RYR2: variants seen among roughly 807,000 people sequenced by gnomAD.
RYR2 encodes cardiac muscle ryanodine receptor-calcium release channel.
A neutral mutation model predicts 601.1 loss-of-function variants in RYR2; 227 were observed. The ratio of observed to expected loss-of-function variants is 0.38; its 90% CI spans 0.34 to 0.42. The LOEUF (loss-of-function observed/expected upper bound fraction) is 0.42. RYR2 is among the 10% of genes least tolerant of loss of function. The pLI is 1.00. For synonymous variants in RYR2, 2,223 were observed against 2,175.1 expected (o/e 1.02, Z -0.61); for missense variants, 4,646 against 6,156.5 (o/e 0.75, Z 8.21).
At chr1:237,195,215 T>C (rs1680418308) in intron 1 of RYR2, among the ~76,000 whole-genome samples, 1 of 152,204 alleles carries the variant, frequency 6.6e-6, no homozygotes, top group South Asian at 2.1e-4. Context: ...TAAACTTCAA[T>C]TCTGAAAGTA....
At chr1:237,352,587 G>T (rs1422711543) in intron 3 of RYR2, among the ~76,000 whole-genome samples, 1 of 152,124 alleles carries the variant, frequency 6.6e-6, no homozygotes, top group African/African-American at 2.4e-5. Context: ...TAGTGTGCAT[G>T]AAAGTTGGAA....
At position 237,808,904 on chromosome 1, in the gene RYR2, G is replaced by A. The variant is rs775534249; in HGVS notation, c.14302G>A (p.Val4768Ile). 34 of 1,613,388 alleles carry A rather than the reference G, an allele frequency of 2.1e-5. No homozygotes were observed. The highest frequency in any genetic ancestry group is 2.7e-5 in the African/African-American group (2 of 75,000). ...SSVTHNGKQL[V>I]LTVGLLAVVV... ...TCCTTGTCACATTGTTTTCCAGCTC[G>A]TATTAACCGTTGGCTTATTAGCTGT... Residue 4768 changes from valine (V) to isoleucine (I), a missense_variant, in exon 100 of 105, where the codon GTA becomes ATA. Around this residue, in one of 17 missense-constraint regions of RYR2, gnomAD observed 8 missense variants for 45.1 expected, o/e 0.18. Coordinates refer to ENST00000366574, the MANE Select transcript of RYR2 (RefSeq NM_001035.3).
chr1:237,436,454 C>CTTTTTTTTTTTTTTTTTTTTTTTTTTTTT lies in RYR2; in HGVS notation c.1006-4841_1006-4840insTTTTTTTTTTTTTTTTTTTTTTTTTTTTT, dbSNP rs551140501. ...AGCCGAGGGATAATGTGTGATTTTC[C>CTTTTTTTTTTTTTTTTTTTTTTTTTTTTT]TTTTTTTTTTTTTTTTTTTTTTTTG... is the stretch of plus-strand genomic sequence containing the variant. On this transcript the variant is annotated intron_variant, in intron 12 of 104. Coordinates refer to ENST00000366574, the MANE Select transcript of RYR2 (RefSeq NM_001035.3). Among the ~76,000 whole-genome samples, 98 of 48,722 alleles carry CTTTTTTTTTTTTTTTTTTTTTTTTTTTTT rather than the reference C, an allele frequency of 2.0e-3. 16 individuals carry two copies. The highest frequency in any genetic ancestry group is 2.5e-3 in the African/African-American group (25 of 10,160). 32.0% of individuals were successfully genotyped at this position (48,722 alleles called of 152,430 possible). A position where few individuals can be genotyped will look rare whatever the true frequency, so the allele number is the denominator to read the frequency against.
chr1:237,787,794 C>T (rs1487204274), intron 91 of RYR2, among the ~76,000 whole-genome samples, 194 bp from the exon 92 acceptor site: 2 of 151,996 alleles, frequency 1.3e-5, no homozygotes, highest in African/African-American at 4.8e-5. Context: ...TACCCATCTC[C>T]AGGGGACTGT....
At chr1:237,337,586 T>A (rs969295704) in intron 3 of RYR2, among the ~76,000 whole-genome samples, 4 of 152,142 alleles carry the variant, frequency 2.6e-5, no homozygotes, top group African/African-American at 9.7e-5. Context: ...GGGAAAATAA[T>A]AGCATCTCCC....
intron 23 of RYR2, among the ~76,000 whole-genome samples, chr1:237,509,119 G>T (rs1193110766): frequency 6.6e-6 from 1 of 152,174 alleles, no homozygotes; most frequent in Non-Finnish European, 1.5e-5. Flanking sequence ...ATCCTTTGCT[G>T]GGTCTGAGGC....
intron 16 of RYR2, among the ~76,000 whole-genome samples, chr1:237,466,359 G>A (rs1400998783): frequency 6.6e-6 from 1 of 151,988 alleles, no homozygotes; most frequent in East Asian, 1.9e-4. Flanking sequence ...GCACAGACTG[G>A]GTCATGCTAT....
intron 1 of RYR2, among the ~76,000 whole-genome samples, chr1:237,228,175 C>T (rs1435604484): frequency 6.6e-6 from 1 of 152,118 alleles, no homozygotes; most frequent in Admixed American, 6.5e-5. Flanking sequence ...CATTCTTATC[C>T]CTTTGCATCC....
At chr1:237,098,331 T>C (rs1190864144) in intron 1 of RYR2, among the ~76,000 whole-genome samples, 1 of 152,158 alleles carries the variant, frequency 6.6e-6, no homozygotes, top group Non-Finnish European at 1.5e-5. Context: ...GTGAAATCTT[T>C]ACTATAATCA....
At chr1:237,301,499 TAA>T (rs1246269581) in intron 2 of RYR2, among the ~76,000 whole-genome samples, 1 of 152,178 alleles carries the variant, frequency 6.6e-6, no homozygotes, top group Admixed American at 6.5e-5. Flanking sequence ...CTGTAGTTGA[TAA>T]GAGTTCAAAC....
chr1:237,675,890 C>T lies in RYR2; in HGVS notation c.8830+1044C>T, dbSNP rs1685350790. Among the ~76,000 whole-genome samples the T allele has an allele frequency of 2.0e-5, 3 of 152,122 alleles. No homozygotes were observed. In the South Asian group the frequency reaches 6.2e-4, roughly 31 times the overall value. Reference sequence around the variant, plus strand: ...CTACAGTTCAAATACTATATTATTGCTCTCTTTGAGCCCTTCTTTTTCTTA... The same window carrying T: ...CTACAGTTCAAATACTATATTATTGTTCTCTTTGAGCCCTTCTTTTTCTTA... On this transcript the variant is annotated intron_variant, in intron 60 of 104. Coordinates refer to ENST00000366574, the MANE Select transcript of RYR2 (RefSeq NM_001035.3).
At chr1:237,510,812 A>G (rs1015960847) in intron 23 of RYR2, among the ~76,000 whole-genome samples, 6 of 152,258 alleles carry the variant, frequency 3.9e-5, no homozygotes, top group Admixed American at 3.3e-4. Context: ...AGGAGAGAGA[A>G]CATCTTTCTC....
chr1:237,455,951 A>G (rs1658758943), intron 15 of RYR2, among the ~76,000 whole-genome samples: 1 of 152,118 alleles, frequency 6.6e-6, no homozygotes, highest in Admixed American at 6.6e-5. Context: ...CCAACTTCTC[A>G]TATAAGACAA....
chr1:237,656,184 C>T (rs904992176), intron 53 of RYR2, among the ~76,000 whole-genome samples, 200 bp downstream of exon 53: 1 of 151,852 alleles, frequency 6.6e-6, no homozygotes, highest in Non-Finnish European at 1.5e-5. Flanking sequence ...TAAGATGTAC[C>T]TTCTAGGATA....
intron 24 of RYR2, among the ~76,000 whole-genome samples, chr1:237,522,973 C>A (rs1667232576): frequency 7.5e-6 from 1 of 133,956 alleles, no homozygotes; most frequent in Non-Finnish European, 1.6e-5. Context: ...CTGTTTCTCT[C>A]ACCACCCTTC....
At chr1:237,453,974 A>G (rs921271190) in intron 14 of RYR2, among the ~76,000 whole-genome samples, 1 of 152,204 alleles carries the variant, frequency 6.6e-6, no homozygotes, top group Non-Finnish European at 1.5e-5. Flanking sequence ...CAGAATGGCA[A>G]GCTAGGGTCC....
intron 1 of RYR2, among the ~76,000 whole-genome samples, chr1:237,176,198 C>A (rs904831363): frequency 3.3e-5 from 5 of 149,610 alleles, no homozygotes; most frequent in African/African-American, 1.2e-4. Flanking sequence ...GATCACTTCA[C>A]TGCACTTCAG....
At chr1:237,221,044 C>A (rs893956255) in intron 1 of RYR2, among the ~76,000 whole-genome samples, 1 of 151,852 alleles carries the variant, frequency 6.6e-6, no homozygotes, top group Non-Finnish European at 1.5e-5. Context: ...TGCAGTGAGC[C>A]GAGATCGCGC....
At chr1:237,786,642 G>A (rs1027329348) in intron 91 of RYR2, among the ~76,000 whole-genome samples, 5 of 152,198 alleles carry the variant, frequency 3.3e-5, no homozygotes, top group Admixed American at 6.5e-5. Context: ...GTGAGGCGAT[G>A]AAAATGCATA....
Sources: allele counts gnomAD v4.1 joint callset (sites outside exome capture counted in the v4.1 genomes callset), GRCh38; gene constraint gnomAD v4.1.1; regional missense constraint gnomAD v4.1.1; transcripts MANE v1.5; gene names NCBI Gene and HGNC (gene_info 2026-07-23, HGNC 2026-07-21).